CTNNBIP1: variants seen among roughly 807,000 people sequenced by gnomAD.
CTNNBIP1 encodes the protein beta-catenin-interacting protein 1.
Under a neutral mutation model 11.8 loss-of-function variants are expected in CTNNBIP1, and 7 were observed. The observed-to-expected ratio is 0.60, with a 90% confidence interval of 0.34 to 1.12. CTNNBIP1 has a LOEUF of 1.12. CTNNBIP1 is among the 50% of genes most tolerant of loss of function. The probability of loss-of-function intolerance (pLI) is 0.03; values close to 1 mark genes in which losing one functional copy is unlikely to be tolerated. For synonymous variants in CTNNBIP1, 58 were observed against 43.9 expected (o/e 1.32, Z -1.26); for missense variants, 101 against 113.4 (o/e 0.89, Z 0.50).
chr1:9,883,120 C>A lies in CTNNBIP1; in HGVS notation c.-110+585G>T, dbSNP rs923822585. The stretch of plus-strand genomic sequence containing the variant: ...TGCCTGGGTGGCAGCAGCGGGACGG[C>A]GCAGGAGGGTAGGTCAGGGACCGGG... On this transcript the variant is annotated intron_variant, in intron 2 of 5. Coordinates refer to ENST00000377263, the MANE Select transcript of CTNNBIP1 (RefSeq NM_020248.3). This position sits in a 1 kb window ranked among gnomAD's most constrained non-coding sequence, Gnocchi z 5.6. 7.9e-5 allele frequency among the ~76,000 whole-genome samples: 12 copies of A among 151,952 alleles called. No individual in the cohort carries two copies. The highest frequency in any genetic ancestry group is 2.9e-4 in the African/African-American group (12 of 41,362).
intron 5 of CTNNBIP1, among the ~76,000 whole-genome samples, chr1:9,868,540 A>G (rs116361063): frequency 6.6e-6 from 1 of 152,250 alleles, no homozygotes; most frequent in Non-Finnish European, 1.5e-5. Flanking sequence ...ACAAAGAAAC[A>G]AATGTACAAT....
At chr1:9,858,759 C>G (rs1014986950) in intron 5 of CTNNBIP1, among the ~76,000 whole-genome samples, 2 of 152,180 alleles carry the variant, frequency 1.3e-5, no homozygotes, top group Admixed American at 6.5e-5. Context: ...GTCACAGTAT[C>G]TGGGCAAGTA....
intron 1 of CTNNBIP1, among the ~76,000 whole-genome samples, chr1:9,905,451 C>T (rs1639598010): frequency 6.7e-6 from 1 of 149,868 alleles, no homozygotes; most frequent in African/African-American, 2.4e-5. Flanking sequence ...GAGACAGAGT[C>T]TTGCTTAGTC....
At chr1:9,862,747 G>T (rs570425102) in intron 5 of CTNNBIP1, among the ~76,000 whole-genome samples, 1 of 152,308 alleles carries the variant, frequency 6.6e-6, no homozygotes, top group Admixed American at 6.5e-5. Context: ...CTTCCTAGGT[G>T]GTCTCCCCTC....
intron 1 of CTNNBIP1, among the ~76,000 whole-genome samples, chr1:9,895,365 A>AT (rs35145108): frequency 6.6e-6 from 1 of 150,770 alleles, no homozygotes; most frequent in African/African-American, 2.4e-5. Context: ...TGCCCAGCTA[A>AT]TTTTTGTATT....
chr1:9,873,985 C>A (rs1007124144), intron 3 of CTNNBIP1, among the ~76,000 whole-genome samples: 2 of 151,496 alleles, frequency 1.3e-5, no homozygotes, highest in Non-Finnish European at 2.9e-5. Context: ...GTGATCCTCC[C>A]ACCTCATCCT....
chr1:9,873,751 T>C (rs1366512110), intron 3 of CTNNBIP1, among the ~76,000 whole-genome samples: 2 of 152,184 alleles, frequency 1.3e-5, no homozygotes, highest in African/African-American at 4.8e-5. Flanking sequence ...TGATTATTTT[T>C]TGACACAGGG....
At chr1:9,902,676 T>A (rs1400506955) in intron 1 of CTNNBIP1, among the ~76,000 whole-genome samples, 1 of 152,208 alleles carries the variant, frequency 6.6e-6, no homozygotes, top group Admixed American at 6.5e-5. Flanking sequence ...AGCACTCTCA[T>A]CAAATCATTC....
intron 1 of CTNNBIP1, among the ~76,000 whole-genome samples, chr1:9,886,386 CAATCG>C (rs79418970): frequency 0.15 from 23,007 of 150,406 alleles, 4,887 homozygotes; most frequent in African/African-American, 0.49. Context: ...CCAGTTGTGA[CAATCG>C]AATCGAATAT....
chr1:9,851,938 C>A lies in CTNNBIP1; in HGVS notation c.188-1162G>T, dbSNP rs1271704837. ...CCCTGACCCTGTCCTGCTGCTCTCA[C>A]CCCCTTTGTAAAAGGCCAGATCTTC... On this transcript the variant is annotated intron_variant, in intron 5 of 5. Transcript: ENST00000377263. The surrounding 1 kb of genome is among the most constrained non-coding windows in gnomAD (Gnocchi z 4.8). Among the ~76,000 whole-genome samples the A allele has an allele frequency of 6.6e-6, 1 of 152,198 alleles. No individual in the cohort carries two copies. The highest frequency in any genetic ancestry group is 1.5e-5 in the Non-Finnish European group (1 of 68,038).
chr1:9,896,173 G>A (rs1639404655), intron 1 of CTNNBIP1, among the ~76,000 whole-genome samples: 2 of 152,160 alleles, frequency 1.3e-5, no homozygotes, highest in Admixed American at 1.3e-4. Context: ...TCTTTAGGAT[G>A]TTCCACAATC....
chr1:9,871,406 G>A lies in CTNNBIP1; in HGVS notation c.97-129C>T. 1 of 722,530 alleles carries A rather than the reference G, an allele frequency of 1.4e-6. No individual in the cohort carries two copies. The highest frequency in any genetic ancestry group is 2.7e-5 in the East Asian group (1 of 36,796). 44.8% of individuals were successfully genotyped at this position (722,530 alleles called of 1,614,324 possible). A position where few individuals can be genotyped will look rare whatever the true frequency, so the allele number is the denominator to read the frequency against. ...TCCCTGCTCGGGCTTCTGTTTCTGAGATTTGACCCCTTTGCTTTCAGGGCC... is the reference window on the plus strand; with the variant it reads ...TCCCTGCTCGGGCTTCTGTTTCTGAAATTTGACCCCTTTGCTTTCAGGGCC... On this transcript the variant is annotated intron_variant, in intron 4 of 5. Coordinates refer to ENST00000377263, the MANE Select transcript of CTNNBIP1 (RefSeq NM_020248.3). This position sits in a 1 kb window ranked among gnomAD's most constrained non-coding sequence, Gnocchi z 5.2.
intron 5 of CTNNBIP1, among the ~76,000 whole-genome samples, chr1:9,866,307 A>G (rs769536449): frequency 2.6e-5 from 4 of 152,212 alleles, no homozygotes; most frequent in Non-Finnish European, 5.9e-5. Flanking sequence ...GCCATTCACT[A>G]TGGCCCTTTA....
Position 9,852,993 on chromosome 1 carries a change from A to T in CTNNBIP1, c.188-2217T>A, listed in dbSNP as rs543154466. 1.2e-4 allele frequency among the ~76,000 whole-genome samples: 18 copies of T among 152,300 alleles called. No individual in the cohort carries two copies. In the East Asian group the frequency reaches 3.5e-3, roughly 29 times the overall value. On this transcript the variant is annotated intron_variant, in intron 5 of 5. Coordinates refer to ENST00000377263, the MANE Select transcript of CTNNBIP1 (RefSeq NM_020248.3). ...GTCCTGCGCTCTGAGGGTGGGAAGG[A>T]AGTAATCTTCTCCAGGTCACACAGG... is the stretch of plus-strand genomic sequence containing the variant.
Position 9,850,385 on chromosome 1 carries a change from C to T in CTNNBIP1, c.*333G>A, listed in dbSNP as rs2101413796. On this transcript the variant is annotated 3_prime_UTR_variant, in exon 6 of 6. Coordinates refer to ENST00000377263, the MANE Select transcript of CTNNBIP1 (RefSeq NM_020248.3). ...AAAGCACCAGAGCTCGGAGAGCTTC[C>T]AGGGAAGCCAGATACCGAGGCGCAA... 4.4e-6 allele frequency: 1 copy of T among 228,892 alleles called. No individual in the cohort carries two copies. Among genetic ancestry groups the T allele is most frequent in the South Asian group, 8.6e-5 (1 of 11,634 alleles). The allele number at this position is 228,892 out of a possible 1,614,324, so 14.2% of individuals were successfully genotyped here. A position where few individuals can be genotyped will look rare whatever the true frequency, so the allele number is the denominator to read the frequency against.
Position 9,850,679 on chromosome 1 carries a change from G to C in CTNNBIP1, c.*39C>G, listed in dbSNP as rs1638363464. 6.3e-7 allele frequency: 1 copy of C among 1,596,502 alleles called. No homozygotes were observed. The highest frequency in any genetic ancestry group is 1.1e-5 in the South Asian group (1 of 90,726). On this transcript the variant is annotated 3_prime_UTR_variant, in exon 6 of 6. Transcript: ENST00000377263. ...GCCCAGGAGCCACACAGATCTCTTGGCCCTCAACAGCATCCAGGGTGTTCC... is the reference window on the plus strand; with the variant it reads ...GCCCAGGAGCCACACAGATCTCTTGCCCCTCAACAGCATCCAGGGTGTTCC...
chr1:9,885,936 GAA>G (rs775586815), intron 1 of CTNNBIP1, among the ~76,000 whole-genome samples: 8 of 121,228 alleles, frequency 6.6e-5, no homozygotes, highest in Admixed American at 8.4e-5. Context: ...CCATCTTGAG[GAA>G]AAAAAAAAAA....
chr1:9,871,617 T>G lies in CTNNBIP1; in HGVS notation c.97-340A>C, dbSNP rs920460584. On this transcript the variant is annotated intron_variant, in intron 4 of 5. Coordinates refer to ENST00000377263, the MANE Select transcript of CTNNBIP1 (RefSeq NM_020248.3). This position sits in a 1 kb window ranked among gnomAD's most constrained non-coding sequence, Gnocchi z 5.2. ...TTTGAGAAATACCCCTGCACATGCA[T>G]GCCTGCTGCCCCCTCAGCTCCTGTC... Among the ~76,000 whole-genome samples, 1 of 152,184 alleles carries G rather than the reference T, an allele frequency of 6.6e-6. No homozygotes were observed. Among genetic ancestry groups the G allele is most frequent in the African/African-American group, 2.4e-5 (1 of 41,450 alleles).
chr1:9,872,530 C>T lies in CTNNBIP1; in HGVS notation c.-24-442G>A, dbSNP rs1223338952. Among the ~76,000 whole-genome samples the T allele has an allele frequency of 6.6e-6, 1 of 152,224 alleles. No individual in the cohort carries two copies. The highest frequency in any genetic ancestry group is 1.9e-4 in the East Asian group (1 of 5,200). On this transcript the variant is annotated intron_variant, in intron 3 of 5. Coordinates refer to ENST00000377263, the MANE Select transcript of CTNNBIP1 (RefSeq NM_020248.3). The surrounding 1 kb of genome is among the most constrained non-coding windows in gnomAD (Gnocchi z 4.0). ...TGGGATCAGAGGCAACTGGTTAGGG[C>T]CTTTGGCTCGAGAAACTGTGAGATC...
Sources: allele counts gnomAD v4.1 joint callset (sites outside exome capture counted in the v4.1 genomes callset), GRCh38; gene constraint gnomAD v4.1.1; non-coding constraint Gnocchi (gnomAD v3.1); transcripts MANE v1.5; gene names NCBI Gene and HGNC (gene_info 2026-07-23, HGNC 2026-07-21).